The following HPD variants were observed in gnomAD, a reference collection of about 807,000 sequenced individuals.
HPD encodes the protein 4-hydroxyphenylpyruvic acid oxidase.
In HPD, 35 loss-of-function variants were observed where a neutral mutation model predicts 56.9. That is an observed-to-expected ratio of 0.62 (90% confidence interval 0.47 to 0.82). The LOEUF (loss-of-function observed/expected upper bound fraction) is 0.82, where lower values mean the gene tolerates loss of function less well. Among genes scored for constraint, HPD ranks in the 40% least tolerant of loss-of-function variants. HPD has a pLI of 0.00. For missense variants in HPD, 442 were observed against 506.8 expected, an observed-to-expected ratio of 0.87 and a Z score of 1.23; for synonymous variants, 186 against 200.2, an observed-to-expected ratio of 0.93 and a Z score of 0.60.
At chr12:121,853,002 G>A (rs1331961288) in intron 7 of HPD, among the ~76,000 whole-genome samples, 3 of 152,150 alleles carry the variant, frequency 2.0e-5, no homozygotes, top group Non-Finnish European at 4.4e-5. Flanking sequence ...GCCATAAAAA[G>A]GAACAAGATC....
the HPD span, among the ~76,000 whole-genome samples, chr12:121,878,450 G>A: frequency 9.2e-5 from 14 of 152,288 alleles, no homozygotes; most frequent in East Asian, 2.7e-3. Flanking sequence ...CTGGGTTCAA[G>A]CAATTCTCCT....
the HPD span, among the ~76,000 whole-genome samples, chr12:121,870,851 C>T: frequency 2.0e-5 from 3 of 152,006 alleles, no homozygotes; most frequent in African/African-American, 7.2e-5. Flanking sequence ...CCGCCTCGGT[C>T]TCCCAAAGTG....
chr12:121,846,506 T>C (rs942896328), intron 11 of HPD, among the ~76,000 whole-genome samples: 1 of 152,206 alleles, frequency 6.6e-6, no homozygotes, highest in African/African-American at 2.4e-5. Context: ...TGTGAGCCAC[T>C]GTGCCCGGCC....
At chr12:121,873,541 G>A in the HPD span, among the ~76,000 whole-genome samples, 2 of 152,108 alleles carry the variant, frequency 1.3e-5, no homozygotes, top group African/African-American at 2.4e-5. Context: ...TTTTATGGCC[G>A]GGCGCGGTGG....
the HPD span, among the ~76,000 whole-genome samples, chr12:121,887,071 T>C: frequency 6.6e-6 from 1 of 152,194 alleles, no homozygotes; most frequent in South Asian, 2.1e-4. Context: ...TGGTAACTTT[T>C]GTATTTTTAG....
chr12:121,843,765 C>G lies in HPD; in HGVS notation c.899G>C (p.Arg300Pro). The G allele has an allele frequency of 6.2e-7, 1 of 1,614,112 alleles. No individual in the cohort carries two copies. Among genetic ancestry groups the G allele is most frequent in the African/African-American group, 1.3e-5 (1 of 75,034 alleles). The part of the protein sequence containing the change: ...SVPSTYYKQL[R>P]EKLKTAKIKV... Reference sequence around the variant, plus strand: ...GATCTTGGCCGTCTTCAGCTTCTCCCGCAGTTGTTTGTAGTACGTGGAGGG... The same window carrying G: ...GATCTTGGCCGTCTTCAGCTTCTCCGGCAGTTGTTTGTAGTACGTGGAGGG... The change falls in exon 12 of 14, where the codon CGG becomes CCG. Residue 300 changes from arginine (R) to proline (P), a missense_variant. Transcript: ENST00000289004.
At chr12:121,856,091 G>A (rs1361193312) in intron 6 of HPD, among the ~76,000 whole-genome samples, 2 of 152,062 alleles carry the variant, frequency 1.3e-5, no homozygotes, top group Non-Finnish European at 2.9e-5. Flanking sequence ...GAGAGGACAC[G>A]GGGGAAGGCA....
At chr12:121,871,212 A>C in the HPD span, among the ~76,000 whole-genome samples, 6 of 151,942 alleles carry the variant, frequency 3.9e-5, no homozygotes, top group Admixed American at 6.6e-5. Flanking sequence ...AAAAAACCCC[A>C]AAATCAGCCA....
intron 7 of HPD, chr12:121,850,012 T>C (rs1877713569): frequency 1.3e-5 from 7 of 555,020 alleles, no homozygotes. Flanking sequence ...CTCATGATGG[T>C]GTACCCAGCG....
chr12:121,859,244 G>A (rs530309379), upstream of HPD: 568 of 321,086 alleles, frequency 1.8e-3, 12 homozygotes, highest in South Asian at 0.015. Context: ...TCCTGTTTGC[G>A]TCACAGCGTT....
the HPD span, among the ~76,000 whole-genome samples, chr12:121,870,891 C>T: frequency 3.3e-5 from 5 of 151,868 alleles, no homozygotes; most frequent in African/African-American, 7.3e-5. Flanking sequence ...CCACCGCACC[C>T]GGCCTATTGA....
chr12:121,852,163 G>A (rs1877815273), intron 7 of HPD, among the ~76,000 whole-genome samples: 1 of 151,908 alleles, frequency 6.6e-6, no homozygotes, highest in Admixed American at 6.6e-5. Flanking sequence ...GGGACCACAG[G>A]CATGCTCCAT....
intron 5 of HPD, 29 bp downstream of exon 5, chr12:121,856,554 C>T (rs763404748): frequency 6.2e-7 from 1 of 1,613,372 alleles, no homozygotes; most frequent in Admixed American, 1.7e-5. Context: ...CCCACAGAGC[C>T]ATGCGTCCAC....
chr12:121,849,809 C>G lies in HPD; in HGVS notation c.415-19G>C. 6.4e-7 allele frequency: 1 copy of G among 1,558,254 alleles called. No homozygotes were observed. The highest frequency in any genetic ancestry group is 1.7e-5 in the Admixed American group (1 of 59,764). ...CCCCATACTACGGGTGGAAAACAGC[C>G]TGGCTCGGCCCCTGGGCACCCATCC... On this transcript the variant is annotated intron_variant, in intron 7 of 13. Coordinates refer to ENST00000289004, the MANE Select transcript of HPD (RefSeq NM_002150.3).
chr12:121,856,776 C>T, intron 4 of HPD, 151 bp from the exon 5 acceptor site: 2 of 732,102 alleles, frequency 2.7e-6, no homozygotes, highest in South Asian at 1.5e-5. Context: ...CCTTAGTTTC[C>T]CACACTGGTC....
intron 11 of HPD, 91 bp from the exon 12 acceptor site, chr12:121,843,923 C>T (rs2137611449): frequency 6.6e-7 from 1 of 1,503,990 alleles, no homozygotes; most frequent in South Asian, 1.1e-5. Flanking sequence ...GATACAGGGT[C>T]CCTATCCTAG....
the HPD span, among the ~76,000 whole-genome samples, chr12:121,882,705 G>A: frequency 2.6e-5 from 4 of 152,084 alleles, no homozygotes; most frequent in African/African-American, 9.7e-5. Flanking sequence ...TTTCCAGGGA[G>A]GTAGTATTTC....
At chr12:121,877,035 A>T in the HPD span, among the ~76,000 whole-genome samples, 1 of 149,948 alleles carries the variant, frequency 6.7e-6, no homozygotes, top group Non-Finnish European at 1.5e-5. Flanking sequence ...CGGAGGTTGC[A>T]GTGAGCCAAG....
the HPD span, among the ~76,000 whole-genome samples, chr12:121,883,231 T>A: frequency 1.9e-5 from 2 of 106,100 alleles, no homozygotes; most frequent in Non-Finnish European, 4.2e-5. Flanking sequence ...TGTGTGTGTG[T>A]GTGTGGTGGG....
Sources: gnomAD v4.1 joint callset for allele counts (sites outside exome capture counted in the v4.1 genomes callset) on GRCh38, gnomAD v4.1.1 for gene constraint, MANE v1.5 for transcripts, NCBI Gene and HGNC (gene_info 2026-07-23, HGNC 2026-07-21) for gene names.